Variants in COL6A3 observed in about 807,000 individuals in gnomAD.
The protein encoded by COL6A3 is collagen alpha-3(VI) chain.
COL6A3 carries 137 observed loss-of-function variants against 274.1 expected under a neutral mutation model. The observed-to-expected ratio is 0.50, with a 90% CI of 0.44 to 0.58. The LOEUF (loss-of-function observed/expected upper bound fraction) is 0.58. Among genes scored for constraint, COL6A3 ranks in the 20% least tolerant of loss-of-function variants. COL6A3 has a pLI of 0.00. For missense variants in COL6A3, 3,950 were observed against 4,124.9 expected, an observed-to-expected ratio of 0.96 and a Z score of 1.16; for synonymous variants, 1,650 against 1,650.6, an observed-to-expected ratio of 1.00 and a Z score of 0.01.
At chr2:237,396,317 G>A (rs2078440115) in intron 2 of COL6A3, among the ~76,000 whole-genome samples, 1 of 152,184 alleles carries the variant, frequency 6.6e-6, no homozygotes, top group African/African-American at 2.4e-5. Context: ...GAGAGAGAGG[G>A]TGATCTTTGT....
chr2:237,374,962 G>A lies in COL6A3; in HGVS notation c.3129C>T (p.Gly1043=), dbSNP rs12622093. 0.24 allele frequency: 382,079 copies of A among 1,613,658 alleles called. 46,183 individuals are homozygous for A. The highest frequency in any genetic ancestry group is 0.26 in the East Asian group (11,859 of 44,820). Residue 1043 remains glycine, a synonymous_variant, in exon 8 of 44, where the codon GGC becomes GGT. Coordinates refer to ENST00000295550, the MANE Select transcript of COL6A3 (RefSeq NM_004369.4). This position sits in a 1 kb window ranked among gnomAD's most constrained non-coding sequence, Gnocchi z 4.8. ...LLDGSEGVRS[G]FPLLKEFVQR... is the part of the protein sequence containing the mutation. ...GGACAAACTCTTTCAACAGAGGGAA[G>A]CCGCTCCTGACGCCCTCAGAGCCAT... is the stretch of plus-strand genomic sequence containing the variant.
rs1360390649 is a variant in COL6A3 at position 237,371,421 on chromosome 2, AC to A, written c.4285+310del. ...AGACCAGCCTGGCCAACATGGTGAA[AC>A]CCCGTCTCCACAAAAAATACAAAAA... On this transcript the variant is annotated intron_variant, in intron 9 of 43. Coordinates refer to ENST00000295550, the MANE Select transcript of COL6A3 (RefSeq NM_004369.4). The surrounding 1 kb of genome is among the most constrained non-coding windows in gnomAD (Gnocchi z 4.3). 6.6e-6 allele frequency among the ~76,000 whole-genome samples: 1 copy of A among 151,816 alleles called. No individual in the cohort carries two copies. Among genetic ancestry groups the A allele is most frequent in the Non-Finnish European group, 1.5e-5 (1 of 67,960 alleles).
At chr2:237,356,196 T>C (rs1360825770) in intron 23 of COL6A3, among the ~76,000 whole-genome samples, 2 of 152,244 alleles carry the variant, frequency 1.3e-5, no homozygotes, top group Non-Finnish European at 2.9e-5. Flanking sequence ...AGTCATTTCA[T>C]GAAACCAAGT....
At chr2:237,350,261 T>G in intron 27 of COL6A3, 52 bp from the exon 28 acceptor site, 2 of 1,561,204 alleles carry the variant, frequency 1.3e-6, no homozygotes, top group Non-Finnish European at 1.8e-6. Flanking sequence ...TGGCTTACAG[T>G]GTGATGCCAA....
At position 237,394,773 on chromosome 2, in the gene COL6A3, T is replaced by C. The variant is rs376501805; in HGVS notation, c.523A>G (p.Ile175Val). Residue 175 changes from isoleucine (I) to valine (V), a missense_variant, in exon 3 of 44, where the codon ATT becomes GTT. Coordinates refer to ENST00000295550, the MANE Select transcript of COL6A3 (RefSeq NM_004369.4). ...CCTTCATCTGCATCCTCAACTCCAA[T>C]TGCAAACACGTTAACATCAGCAGAC... ...LKSADVNVFAIGVEDADEGAL... is the reference protein window; with the variant it reads ...LKSADVNVFAVGVEDADEGAL... The C allele has an allele frequency of 1.1e-5, 18 of 1,614,082 alleles. No individual in the cohort carries two copies. Among genetic ancestry groups the C allele is most frequent in the African/African-American group, 2.7e-5 (2 of 74,932 alleles).
chr2:237,376,846 A>G lies in COL6A3; in HGVS notation c.2996T>C (p.Leu999Pro). Residue 999 changes from leucine (L) to proline (P), a missense_variant, in exon 7 of 44, where the codon CTT becomes CCT. By Grantham distance (98) the Leu-to-Pro change is moderately conservative (BLOSUM62 -3). Transcript: ENST00000295550. ...SPAFILAAES[L>P]PKIGDLHPQI... ...TGGATGAAGATCTCCAATCTTGGGAAGCGACTCTGCAGCCAGGATAAACGC... is the reference window on the plus strand; with the variant it reads ...TGGATGAAGATCTCCAATCTTGGGAGGCGACTCTGCAGCCAGGATAAACGC... The G allele has an allele frequency of 6.2e-7, 1 of 1,614,064 alleles. No individual in the cohort carries two copies. Among genetic ancestry groups the G allele is most frequent in the South Asian group, 1.1e-5 (1 of 91,074 alleles).
rs371342713 is a variant in COL6A3 at position 237,396,829 on chromosome 2, C to G, written c.-12G>C. On this transcript the variant is annotated 5_prime_UTR_variant, in exon 2 of 44. Transcript: ENST00000295550. ...CGATGTTTCCTCATTTTGAATTTGTCTAAGCACCAAATATGAACCTAAAAG... is the reference window on the plus strand; with the variant it reads ...CGATGTTTCCTCATTTTGAATTTGTGTAAGCACCAAATATGAACCTAAAAG... 5.6e-6 allele frequency: 9 copies of G among 1,613,092 alleles called. No homozygotes were observed. The highest frequency in any genetic ancestry group is 7.6e-6 in the Non-Finnish European group (9 of 1,179,174).
In COL6A3 at chr2:237,324,751, T is replaced by C. The variant is rs749535250; in HGVS notation, c.*23A>G. The C allele has an allele frequency of 6.2e-7, 1 of 1,613,156 alleles. No homozygotes were observed. Among genetic ancestry groups the C allele is most frequent in the East Asian group, 2.2e-5 (1 of 44,872 alleles). On this transcript the variant is annotated 3_prime_UTR_variant, in exon 44 of 44. Coordinates refer to ENST00000295550, the MANE Select transcript of COL6A3 (RefSeq NM_004369.4). ...GGCTGACTCCTTCTTCTTCAAGAGG[T>C]ATATGATGTTGGCCACCCACGCTTA...
Position 237,334,641 on chromosome 2 carries a change from C to T in COL6A3, c.9214G>A (p.Gly3072Arg), listed in dbSNP as rs1397014474. The part of the protein sequence containing the change: ...LRSQVRATYH[G>R]SFSTKKSQPP... ...ATGTACTTACTTGTACTGAAACTTC[C>T]GTGGTAGGTGGCTCTGACCTGAGAC... is the stretch of plus-strand genomic sequence containing the variant. Residue 3072 changes from glycine to arginine, a missense_variant, in exon 41 of 44, where the codon GGA (glycine) becomes AGA (arginine). Physicochemically the swap from Gly to Arg is moderately radical, Grantham distance 125. Transcript: ENST00000295550. 7 of 1,613,328 alleles carry T rather than the reference C, an allele frequency of 4.3e-6. No homozygotes were observed. Among genetic ancestry groups the T allele is most frequent in the East Asian group, 2.2e-5 (1 of 44,892 alleles).
Position 237,343,781 on chromosome 2 carries a change from G to C in COL6A3, c.7668+569C>G, listed in dbSNP as rs552265713. On this transcript the variant is annotated intron_variant, in intron 36 of 43. Transcript: ENST00000295550. Reference sequence around the variant, plus strand: ...GATATTCACCTTCAGGGCCGATTGGGACAGAGTGGAGACTGGAATGGGTAT... The same window carrying C: ...GATATTCACCTTCAGGGCCGATTGGCACAGAGTGGAGACTGGAATGGGTAT... The C allele has an allele frequency of 1.2e-4, 22 of 178,604 alleles. No homozygotes were observed. In the South Asian group the frequency reaches 2.8e-3, roughly 23 times the overall value. 11.1% of individuals were successfully genotyped at this position (178,604 alleles called of 1,614,324 possible).
Position 237,395,223 on chromosome 2 carries a change from G to A in COL6A3, c.92-19C>T, listed in dbSNP as rs770250281. 2.5e-6 allele frequency: 4 copies of A among 1,612,246 alleles called. No homozygotes were observed. The South Asian group carries it at 4.4e-5, about 18-fold the overall frequency. Reference sequence around the variant, plus strand: ...TTGACATCTTTAAAAAAAGACATTGGTTTAGATTTTTCTACTATGTAAGCA... The same window carrying A: ...TTGACATCTTTAAAAAAAGACATTGATTTAGATTTTTCTACTATGTAAGCA... On this transcript the variant is annotated intron_variant, in intron 2 of 43. Coordinates refer to ENST00000295550, the MANE Select transcript of COL6A3 (RefSeq NM_004369.4).
chr2:237,397,024 T>TAGAA (rs1275545138), intron 1 of COL6A3, among the ~76,000 whole-genome samples, 177 bp from the exon 2 acceptor site: 1 of 150,036 alleles, frequency 6.7e-6, no homozygotes, highest in South Asian at 2.1e-4. Flanking sequence ...AGATGATAGA[T>TAGAA]AGATAGATAG....
At chr2:237,357,950 G>A (rs1057272359) in intron 21 of COL6A3, 68 bp from the exon 22 acceptor site, 10 of 1,439,534 alleles carry the variant, frequency 6.9e-6, no homozygotes, top group Non-Finnish European at 9.8e-6. Flanking sequence ...TGGACTGGAT[G>A]GTCAGGGAAA....
At chr2:237,377,764 G>C (rs2077888957) in intron 6 of COL6A3, among the ~76,000 whole-genome samples, 1 of 152,190 alleles carries the variant, frequency 6.6e-6, no homozygotes, top group East Asian at 1.9e-4. Flanking sequence ...AAAAGGGGGG[G>C]CTGATATGGG....
intron 42 of COL6A3, chr2:237,333,197 G>A (rs1045776161): frequency 1.4e-5 from 8 of 558,130 alleles, no homozygotes; most frequent in Admixed American, 5.9e-5. Context: ...TAATGGATAC[G>A]TGAATTCTAG....
Position 237,387,877 on chromosome 2 carries a change from G to A in COL6A3, c.1017C>T (p.Gly339=), listed in dbSNP as rs777781497. The change falls in exon 4 of 44, where the codon GGC becomes GGT. Residue 339 remains glycine (G), a synonymous_variant. Transcript: ENST00000295550. ...GGGGAACCCCTTCCTCCACGCGGCT[G>A]CCCCCTGCCCGGGTGAAGTGGTTCT... ...VVENHFTRAG[G]SRVEEGVPQV... 6.2e-7 allele frequency: 1 copy of A among 1,613,956 alleles called. No individual in the cohort carries two copies. The highest frequency in any genetic ancestry group is 8.5e-7 in the Non-Finnish European group (1 of 1,180,008).
intron 2 of COL6A3, 107 bp downstream of exon 2, chr2:237,396,620 C>T: frequency 8.8e-7 from 1 of 1,134,098 alleles, no homozygotes. Context: ...AATGGCTTAG[C>T]TACCTTAAGA....
intron 1 of COL6A3, among the ~76,000 whole-genome samples, chr2:237,405,682 A>G (rs2078701854): frequency 6.6e-6 from 1 of 152,150 alleles, no homozygotes; most frequent in Non-Finnish European, 1.5e-5. Flanking sequence ...AGATAAAAAC[A>G]ACATAGAACC....
chr2:237,393,547 A>T (rs2078345858), intron 3 of COL6A3, among the ~76,000 whole-genome samples: 1 of 152,072 alleles, frequency 6.6e-6, no homozygotes, highest in African/African-American at 2.4e-5. Context: ...TCTGGAGCTC[A>T]ACTCTCCCCC....
Sources: gnomAD v4.1 joint callset for allele counts (sites outside exome capture counted in the v4.1 genomes callset) on GRCh38, gnomAD v4.1.1 for gene constraint, Gnocchi (gnomAD v3.1) non-coding constraint, MANE v1.5 for transcripts, NCBI Gene and HGNC (gene_info 2026-07-23, HGNC 2026-07-21) for gene names.